The following RORA variants were observed in gnomAD, a reference collection of about 807,000 sequenced individuals.
RORA encodes nuclear receptor ROR-alpha.
In RORA, 7 loss-of-function variants were observed where a neutral mutation model predicts 69.5. That is an observed-to-expected ratio of 0.10 (90% CI 0.06 to 0.19). The LOEUF is 0.19. RORA is among the 10% of genes least tolerant of loss of function. The probability of loss-of-function intolerance (pLI) is 1.00; values close to 1 mark genes in which losing one functional copy is unlikely to be tolerated. For synonymous variants in RORA, 261 were observed against 240.8 expected, an observed-to-expected ratio of 1.08 and a Z score of -0.78; for missense variants, 457 against 663.0, an observed-to-expected ratio of 0.69 and a Z score of 3.41.
intron 1 of RORA, chr15:60,736,964 A>G (rs1390955019): frequency 6.6e-6 from 1 of 152,152 alleles, no homozygotes; most frequent in Non-Finnish European, 1.5e-5. Flanking sequence ...CTAGACCTTT[A>G]TTTACCACCG....
At chr15:60,879,080 A>G (rs2073650855) in intron 1 of RORA, among the ~76,000 whole-genome samples, 1 of 152,158 alleles carries the variant, frequency 6.6e-6, no homozygotes, top group Non-Finnish European at 1.5e-5. Context: ...TTGGCTCCCA[A>G]GGTCCTCTAC....
At chr15:60,556,729 C>T (rs1595968643) in intron 2 of RORA, 26 of 730,486 alleles carry the variant, frequency 3.6e-5, no homozygotes, top group East Asian at 2.5e-5. Context: ...TTCACGGCTT[C>T]CCCTTTCTCT....
At chr15:61,113,220 GTTA>G (rs1163527281) in intron 1 of RORA, among the ~76,000 whole-genome samples, 1 of 152,212 alleles carries the variant, frequency 6.6e-6, no homozygotes, top group Non-Finnish European at 1.5e-5. Context: ...GCTCTTTCTA[GTTA>G]GTACAGAAAT....
chr15:60,784,625 T>C (rs2072310467), intron 1 of RORA, among the ~76,000 whole-genome samples: 1 of 152,222 alleles, frequency 6.6e-6, no homozygotes, highest in South Asian at 2.1e-4. Flanking sequence ...ATGTACAATA[T>C]GGGTGAAATG....
At chr15:60,564,477 C>T (rs1428121513) in intron 2 of RORA, among the ~76,000 whole-genome samples, 1 of 152,178 alleles carries the variant, frequency 6.6e-6, no homozygotes, top group African/African-American at 2.4e-5. Flanking sequence ...ATGATCCACA[C>T]TCTCATCTAG....
intron 1 of RORA, among the ~76,000 whole-genome samples, chr15:60,716,058 G>A (rs900708353): frequency 2.6e-5 from 4 of 152,152 alleles, no homozygotes; most frequent in African/African-American, 7.2e-5. Context: ...ATGTGCATAC[G>A]AATTGCCTGG....
chr15:61,011,317 C>G (rs1049298859), intron 1 of RORA, among the ~76,000 whole-genome samples: 1 of 152,112 alleles, frequency 6.6e-6, no homozygotes, highest in Non-Finnish European at 1.5e-5. Context: ...TATTAAAGTT[C>G]CTGAATTCTA....
chr15:60,913,788 T>C (rs1310647120), intron 1 of RORA, among the ~76,000 whole-genome samples: 1 of 152,118 alleles, frequency 6.6e-6, no homozygotes, highest in East Asian at 1.9e-4. Context: ...AGAGTTAGAG[T>C]CTATTAAAGG....
intron 1 of RORA, among the ~76,000 whole-genome samples, chr15:60,736,433 C>A (rs937803924): frequency 1.2e-4 from 19 of 152,208 alleles, no homozygotes; most frequent in Non-Finnish European, 2.9e-5. Flanking sequence ...CTCCTGCACC[C>A]AGAGGAAAAC....
At chr15:60,914,659 C>T (rs1302588180) in intron 1 of RORA, among the ~76,000 whole-genome samples, 2 of 152,106 alleles carry the variant, frequency 1.3e-5, no homozygotes, top group Admixed American at 6.5e-5. Flanking sequence ...CACAGTGTCC[C>T]GGAATAAATT....
intron 1 of RORA, among the ~76,000 whole-genome samples, chr15:61,031,867 A>C (rs1341940801): frequency 6.6e-6 from 1 of 152,224 alleles, no homozygotes; most frequent in Non-Finnish European, 1.5e-5. Context: ...TATATATAGA[A>C]GTTCATGTGT....
At chr15:60,741,786 A>C (rs112531331) in intron 1 of RORA, among the ~76,000 whole-genome samples, 2,224 of 152,066 alleles carry the variant, frequency 0.015, 66 homozygotes, top group African/African-American at 0.051. Context: ...CACTGTCTTC[A>C]TCTCTTCATT....
At chr15:61,145,787 T>C (rs141349075) in intron 1 of RORA, among the ~76,000 whole-genome samples, 145 of 152,278 alleles carry the variant, frequency 9.5e-4, no homozygotes, top group African/African-American at 3.3e-3. Context: ...AGGGGAAATA[T>C]GTTCAGCCAA....
At chr15:60,637,624 T>C (rs928877716) in intron 2 of RORA, among the ~76,000 whole-genome samples, 9 of 152,174 alleles carry the variant, frequency 5.9e-5, no homozygotes, top group Non-Finnish European at 1.3e-4. Flanking sequence ...TATTTTTCTC[T>C]GATAAGCTAA....
intron 1 of RORA, among the ~76,000 whole-genome samples, chr15:61,202,601 G>A (rs1303057174): frequency 6.6e-6 from 1 of 152,120 alleles, no homozygotes; most frequent in East Asian, 1.9e-4. Flanking sequence ...AGGAGCAGGA[G>A]ATGAGATCTT....
intron 1 of RORA, among the ~76,000 whole-genome samples, chr15:60,810,741 G>A (rs182016498): frequency 3.4e-5 from 5 of 145,968 alleles, no homozygotes; most frequent in Admixed American, 1.4e-4. Flanking sequence ...TCCTCCCTTC[G>A]TAGTTTCTGT....
chr15:60,985,280 A>G (rs1396226991), intron 1 of RORA, among the ~76,000 whole-genome samples: 2 of 152,206 alleles, frequency 1.3e-5, no homozygotes, highest in Non-Finnish European at 2.9e-5. Context: ...GAAGGGATTT[A>G]GAATTTAAAT....
intron 1 of RORA, among the ~76,000 whole-genome samples, chr15:60,735,351 C>G (rs921412582): frequency 6.6e-6 from 1 of 152,124 alleles, no homozygotes; most frequent in African/African-American, 2.4e-5. Flanking sequence ...TTGCCAAACA[C>G]TATTTCTGTA....
chr15:61,170,685 A>G (rs1405379457), intron 1 of RORA, among the ~76,000 whole-genome samples: 2 of 152,234 alleles, frequency 1.3e-5, no homozygotes, highest in East Asian at 1.9e-4. Flanking sequence ...ATCCTGGCAC[A>G]TTGTAAGTGC....
Sources: gnomAD v4.1 joint callset for allele counts (sites outside exome capture counted in the v4.1 genomes callset) on GRCh38, gnomAD v4.1.1 for gene constraint, MANE v1.5 for transcripts, NCBI Gene and HGNC (gene_info 2026-07-23, HGNC 2026-07-21) for gene names.